The following BRCA1 variants were observed in gnomAD, a reference collection of about 807,000 sequenced individuals.
BRCA1 encodes the protein BRCA1 DNA repair associated.
A neutral mutation model predicts 173.7 loss-of-function variants in BRCA1; 140 were observed. The ratio of observed to expected loss-of-function variants is 0.81; its 90% CI spans 0.70 to 0.93. The LOEUF (loss-of-function observed/expected upper bound fraction) is 0.93. BRCA1 is among the 40% of genes least tolerant of loss of function. BRCA1 has a pLI of 0.00. For synonymous variants in BRCA1, 662 were observed against 756.0 expected (o/e 0.88, Z 2.04); for missense variants, 1,983 against 2,172.5 (o/e 0.91, Z 1.73).
At chr17:43,060,185 T>C (rs1233399282) in intron 18 of BRCA1, among the ~76,000 whole-genome samples, 1 of 152,114 alleles carries the variant, frequency 6.6e-6, no homozygotes, top group Non-Finnish European at 1.5e-5. Flanking sequence ...GTGATTCTCT[T>C]GTCTCAGCCT....
chr17:43,069,068 C>T (rs539489361), intron 15 of BRCA1, among the ~76,000 whole-genome samples: 1 of 152,308 alleles, frequency 6.6e-6, no homozygotes, highest in South Asian at 2.1e-4. Context: ...CACAATACTG[C>T]CATGAAGGTC....
At chr17:43,083,087 C>T (rs1199755768) in intron 11 of BRCA1, among the ~76,000 whole-genome samples, 2 of 152,034 alleles carry the variant, frequency 1.3e-5, no homozygotes. Flanking sequence ...TATAAAAATA[C>T]TATCAGTAAT....
chr17:43,091,416 A>C lies in BRCA1; in HGVS notation c.4096+19T>G, dbSNP rs2154263975. The C allele has an allele frequency of 6.2e-7, 1 of 1,613,890 alleles. No homozygotes were observed. Among genetic ancestry groups the C allele is most frequent in the African/African-American group, 1.3e-5 (1 of 75,064 alleles). ...TCTATAAATAGACTGGGGCAAACACAAAAACCTGGTTCCAATACCTAAGTT... is the reference window on the plus strand; with the variant it reads ...TCTATAAATAGACTGGGGCAAACACCAAAACCTGGTTCCAATACCTAAGTT... On this transcript the variant is annotated intron_variant, in intron 10 of 22. Transcript: ENST00000357654.
At chr17:43,088,669 T>A (rs1267750762) in intron 11 of BRCA1, among the ~76,000 whole-genome samples, 1 of 152,222 alleles carries the variant, frequency 6.6e-6, no homozygotes, top group Non-Finnish European at 1.5e-5. Context: ...CATCATTCAC[T>A]TACTAGCAGC....
At chr17:43,135,142 C>A (rs375148945) in intron 1 of BRCA1, among the ~76,000 whole-genome samples, 1 of 152,268 alleles carries the variant, frequency 6.6e-6, no homozygotes, top group Admixed American at 6.5e-5. Flanking sequence ...TCCTAACCCA[C>A]GCCTGAAGAC....
At chr17:43,065,032 G>A (rs945119159) in intron 16 of BRCA1, among the ~76,000 whole-genome samples, 7 of 151,874 alleles carry the variant, frequency 4.6e-5, no homozygotes, top group East Asian at 1.9e-4. Flanking sequence ...GGGTTTCACC[G>A]TGTTAGCCAG....
At chr17:43,133,281 T>A (rs1386299336) in intron 1 of BRCA1, 1 of 152,194 alleles carries the variant, frequency 6.6e-6, no homozygotes, top group East Asian at 1.9e-4. Flanking sequence ...CAAAAGGGAT[T>A]ATTTAGGGCA....
At position 43,091,982 on chromosome 17, in the gene BRCA1, T is replaced by A. The variant is rs2154304049; in HGVS notation, c.3549A>T (p.Lys1183Asn). ...SSAVFSKSVQKGELSRSPSPF... is the reference protein window; with the variant it reads ...SSAVFSKSVQNGELSRSPSPF... ...GGCTAGGACTCCTGCTAAGCTCTCCTTTCTGGACGCTTTTGCTAAAAACAG... is the reference window on the plus strand; with the variant it reads ...GGCTAGGACTCCTGCTAAGCTCTCCATTCTGGACGCTTTTGCTAAAAACAG... Residue 1183 changes from lysine to asparagine, a missense_variant, in exon 10 of 23, where the codon AAA becomes AAT. Transcript: ENST00000357654. 1 of 1,614,154 alleles carries A rather than the reference T, an allele frequency of 6.2e-7. No homozygotes were observed. The highest frequency in any genetic ancestry group is 8.5e-7 in the Non-Finnish European group (1 of 1,180,010).
chr17:43,109,568 T>C (rs2054947748), intron 3 of BRCA1, among the ~76,000 whole-genome samples: 2 of 152,150 alleles, frequency 1.3e-5, no homozygotes, highest in African/African-American at 2.4e-5. Context: ...AATGACTCTA[T>C]AGTTTGGAAG....
At chr17:43,143,068 A>G (rs11657328) in intron 1 of BRCA1, among the ~76,000 whole-genome samples, 3 of 149,570 alleles carry the variant, frequency 2.0e-5, no homozygotes, top group South Asian at 4.2e-4. Context: ...ATATATATGT[A>G]TATATATGTG....
At chr17:43,146,940 C>A (rs973582816) in intron 1 of BRCA1, among the ~76,000 whole-genome samples, 1 of 151,966 alleles carries the variant, frequency 6.6e-6, no homozygotes. Context: ...AGGGCCCCGT[C>A]GTTTACCCCG....
At position 43,070,939 on chromosome 17, in the gene BRCA1, G is replaced by C. The variant is rs2052357870; in HGVS notation, c.4975C>G (p.Pro1659Ala). The C allele has an allele frequency of 6.2e-7, 1 of 1,614,034 alleles. No individual in the cohort carries two copies. Among genetic ancestry groups the C allele is most frequent in the Non-Finnish European group, 8.5e-7 (1 of 1,180,026 alleles). The change falls in exon 15 of 23, where the codon CCA becomes GCA. Residue 1659 changes from proline (P) to alanine (A), a missense_variant. Pro to Ala is a conservative substitution (Grantham distance 27). Transcript: ENST00000357654. ...RMSMVVSGLT[P>A]EEFMLVYKFA... The stretch of plus-strand genomic sequence containing the variant: ...ATGGATACACTCACAAATTCTTCTG[G>C]GGTCAGGCCAGACACCACCATGGAC...
chr17:43,167,454 T>G, intron 1 of BRCA1: 1 of 152,194 alleles, frequency 6.6e-6, no homozygotes, highest in Non-Finnish European at 1.5e-5. Context: ...GGGGGCTGCA[T>G]GCACCAGTAA....
At chr17:43,108,706 CAAAAA>C (rs35561635) in intron 3 of BRCA1, among the ~76,000 whole-genome samples, 2 of 16,082 alleles carry the variant, frequency 1.2e-4, no homozygotes, top group East Asian at 2.4e-3. Context: ...GACTCTGTCT[CAAAAA>C]AAAAAAAAAA....
At chr17:43,089,852 T>G (rs1051124630) in intron 11 of BRCA1, among the ~76,000 whole-genome samples, 1 of 151,038 alleles carries the variant, frequency 6.6e-6, no homozygotes, top group Non-Finnish European at 1.5e-5. Flanking sequence ...AGTAAAAACT[T>G]AAAAATTAGC....
At chr17:43,109,056 A>ACCTATCTATCTACCTG (rs1385732582) in intron 3 of BRCA1, among the ~76,000 whole-genome samples, 11 of 151,958 alleles carry the variant, frequency 7.2e-5, no homozygotes, top group Non-Finnish European at 8.8e-5. Flanking sequence ...CTATCTACCT[A>ACCTATCTATCTACCTG]CCTATCTATC....
intron 16 of BRCA1, among the ~76,000 whole-genome samples, chr17:43,065,052 G>A (rs886557590): frequency 2.6e-5 from 4 of 151,942 alleles, no homozygotes; most frequent in Non-Finnish European, 4.4e-5. Context: ...GGATGGTCTC[G>A]ATCTCCTGAC....
intron 14 of BRCA1, among the ~76,000 whole-genome samples, chr17:43,071,935 G>A (rs180795814): frequency 1.3e-5 from 2 of 151,994 alleles, no homozygotes; most frequent in African/African-American, 4.8e-5. Context: ...GTGTACCCGG[G>A]AGGCAGAGCT....
At chr17:43,137,852 G>T (rs367734191) in intron 1 of BRCA1, among the ~76,000 whole-genome samples, 1 of 151,930 alleles carries the variant, frequency 6.6e-6, no homozygotes, top group Admixed American at 6.6e-5. Flanking sequence ...ACTCCAGCCT[G>T]GGTGACAGAG....
Sources: allele counts gnomAD v4.1 joint callset (sites outside exome capture counted in the v4.1 genomes callset), GRCh38; gene constraint gnomAD v4.1.1; transcripts MANE v1.5; gene names NCBI Gene and HGNC (gene_info 2026-07-23, HGNC 2026-07-21).